Variants in P4HA3 observed in about 807,000 individuals in gnomAD.
P4HA3 encodes prolyl 4-hydroxylase subunit alpha 3.
In P4HA3, 60 loss-of-function variants were observed where a neutral mutation model predicts 66.7. The ratio of observed to expected loss-of-function variants is 0.90; its 90% CI spans 0.73 to 1.12. The LOEUF is 1.12. Among genes scored for constraint, P4HA3 ranks in the 50% most tolerant of loss-of-function variants. The probability of loss-of-function intolerance (pLI) is 0.00; values close to 1 mark genes in which losing one functional copy is unlikely to be tolerated. For synonymous variants in P4HA3, 263 were observed against 274.6 expected (o/e 0.96, Z 0.42); for missense variants, 683 against 685.8 (o/e 1.00, Z 0.05).
At chr11:74,295,603 T>C (rs1460106410) in intron 4 of P4HA3, among the ~76,000 whole-genome samples, 5 of 152,228 alleles carry the variant, frequency 3.3e-5, no homozygotes, top group Admixed American at 6.5e-5. Flanking sequence ...AGTTTTTACA[T>C]AGTTATAAGC....
chr11:74,286,195 T>C, intron 6 of P4HA3, 33 bp downstream of exon 6: 1 of 1,603,394 alleles, frequency 6.2e-7, no homozygotes, highest in Non-Finnish European at 8.5e-7. Flanking sequence ...TAGCCAGGCC[T>C]CTCCCCCTTT....
Position 74,298,530 on chromosome 11 carries a change from C to T in P4HA3, c.568-169G>A, listed in dbSNP as rs778333296. On this transcript the variant is annotated intron_variant, in intron 3 of 12. Coordinates refer to ENST00000331597, the MANE Select transcript of P4HA3 (RefSeq NM_182904.5). ...CTACTATATACAACGCATTGTACTA[C>T]GTGGAGAGGAGACATAAGGGTTCTT... Among the ~76,000 whole-genome samples the T allele has an allele frequency of 9.1e-4, 139 of 152,274 alleles. 3 individuals are homozygous for T. Among genetic ancestry groups the T allele is most frequent in the Middle Eastern group, 6.8e-3 (2 of 294 alleles).
At position 74,268,327 on chromosome 11, in the gene P4HA3, G is replaced by A. The variant is rs114239207; in HGVS notation, c.1468-86C>T. ...ACATACTAAGGACAAATGCAGGCATGTCATTGAAGAAGCCTTTCCATGCAG... is the reference window on the plus strand; with the variant it reads ...ACATACTAAGGACAAATGCAGGCATATCATTGAAGAAGCCTTTCCATGCAG... On this transcript the variant is annotated intron_variant, in intron 11 of 12. Transcript: ENST00000331597. 1.7e-3 allele frequency: 1,929 copies of A among 1,116,192 alleles called. 18 individuals carry two copies. The African/African-American group carries it at 0.018, about 10-fold the overall frequency. 69.1% of individuals were successfully genotyped at this position (1,116,192 alleles called of 1,614,324 possible).
chr11:74,288,309 C>T (rs926551752), intron 5 of P4HA3, among the ~76,000 whole-genome samples: 14 of 152,146 alleles, frequency 9.2e-5, no homozygotes, highest in Non-Finnish European at 1.5e-4. Context: ...AGAGTGAGAC[C>T]TGATTTAAGG....
chr11:74,267,071 A>C lies in P4HA3; in HGVS notation c.*177T>G. The C allele has an allele frequency of 6.5e-7, 1 of 1,537,208 alleles. No homozygotes were observed. Among genetic ancestry groups the C allele is most frequent in the Non-Finnish European group, 8.7e-7 (1 of 1,146,956 alleles). On this transcript the variant is annotated 3_prime_UTR_variant, in exon 13 of 13. Transcript: ENST00000331597. Reference sequence around the variant, plus strand: ...CGTGGCTGGGGCAGATCAAATGTACATTCTCAGTGTCCCCTGGTAACAACC... The same window carrying C: ...CGTGGCTGGGGCAGATCAAATGTACCTTCTCAGTGTCCCCTGGTAACAACC...
chr11:74,265,063 AC>A (rs1264572307), downstream of P4HA3, among the ~76,000 whole-genome samples: 4 of 152,110 alleles, frequency 2.6e-5, no homozygotes, highest in African/African-American at 9.7e-5. Context: ...AACTGTATTG[AC>A]CTCAAAGGGT....
chr11:74,266,213 C>T (rs532774645), downstream of P4HA3, among the ~76,000 whole-genome samples: 15 of 152,088 alleles, frequency 9.9e-5, 1 homozygote, highest in East Asian at 1.7e-3. Flanking sequence ...TGAGCTGCAC[C>T]GAGATTACAG....
intron 7 of P4HA3, among the ~76,000 whole-genome samples, chr11:74,285,206 A>T (rs1476038797): frequency 2.0e-5 from 3 of 152,098 alleles, no homozygotes; most frequent in African/African-American, 7.2e-5. Flanking sequence ...TAAAATTGCA[A>T]ATAAGGGGGA....
chr11:74,287,743 CTAAA>C (rs1860849020), intron 5 of P4HA3, among the ~76,000 whole-genome samples: 1 of 152,242 alleles, frequency 6.6e-6, no homozygotes, highest in Non-Finnish European at 1.5e-5. Context: ...TATCTAAATA[CTAAA>C]TACTCATGCC....
intron 15 of P4HA3, among the ~76,000 whole-genome samples, chr11:74,259,045 G>A (rs1481528615): frequency 6.6e-6 from 1 of 152,142 alleles, no homozygotes; most frequent in Non-Finnish European, 1.5e-5. Context: ...GTGGAAGCCG[G>A]TGTGCCCCTG....
At chr11:74,255,242 G>A (rs1053444028) in intron 15 of P4HA3, among the ~76,000 whole-genome samples, 68 of 152,228 alleles carry the variant, frequency 4.5e-4, no homozygotes, top group African/African-American at 1.6e-3. Context: ...GATACCCACA[G>A]TGAATGACTT....
intron 3 of P4HA3, 142 bp from the exon 4 acceptor site, chr11:74,298,503 A>G (rs975134901): frequency 3.0e-6 from 3 of 993,200 alleles, no homozygotes; most frequent in African/African-American, 3.2e-5. Flanking sequence ...TTTATTAAGC[A>G]TCTACTATAT....
In P4HA3 at chr11:74,277,042, C is replaced by A. The variant is rs746445793; in HGVS notation, c.1278G>T (p.Leu426=). The A allele has an allele frequency of 1.9e-6, 3 of 1,614,096 alleles. No homozygotes were observed. In the South Asian group the frequency reaches 3.3e-5, roughly 18 times the overall value. The part of the protein sequence containing the change: ...LDVRPPYAEY[L]QVVNYGIGGH... ...CTCCGATGCCATAGTTCACCACCTG[C>A]AGATACTCTGCATAGGGAGGCCGGA... Residue 426 remains leucine (L), a synonymous_variant, in exon 9 of 13, where the codon CTG becomes CTT. Coordinates refer to ENST00000331597, the MANE Select transcript of P4HA3 (RefSeq NM_182904.5).
intron 15 of P4HA3, chr11:74,253,759 G>A: frequency 1.7e-6 from 1 of 582,730 alleles, no homozygotes; most frequent in Non-Finnish European, 3.0e-6. Context: ...CCTGTACTGG[G>A]GTAGCTCCTG....
intron 15 of P4HA3, among the ~76,000 whole-genome samples, chr11:74,259,361 C>T (rs766407976): frequency 2.0e-5 from 3 of 152,010 alleles, no homozygotes; most frequent in Non-Finnish European, 4.4e-5. Context: ...CCAGCCTGGG[C>T]GACAAGAGCA....
chr11:74,252,950 C>T (rs142355556), intron 15 of P4HA3, among the ~76,000 whole-genome samples: 1 of 152,182 alleles, frequency 6.6e-6, no homozygotes, highest in Non-Finnish European at 1.5e-5. Context: ...TCAGAGAGCC[C>T]ACAACCCTCA....
intron 15 of P4HA3, among the ~76,000 whole-genome samples, chr11:74,253,192 T>C (rs1173919676): frequency 6.6e-6 from 1 of 152,162 alleles, no homozygotes; most frequent in East Asian, 1.9e-4. Flanking sequence ...GCGACACCCC[T>C]ATGCTGAGCC....
intron 14 of P4HA3, among the ~76,000 whole-genome samples, chr11:74,261,370 T>C (rs1859904366): frequency 6.6e-6 from 1 of 152,154 alleles, no homozygotes; most frequent in Non-Finnish European, 1.5e-5. Context: ...AGGGTAGGTA[T>C]ATGTAAAATA....
chr11:74,272,796 A>T (rs1388955403), intron 10 of P4HA3, among the ~76,000 whole-genome samples: 1 of 152,228 alleles, frequency 6.6e-6, no homozygotes, highest in East Asian at 1.9e-4. Context: ...TTCAGTTAAC[A>T]GTAAGGTATC....
Sources: gnomAD v4.1 joint callset for allele counts (sites outside exome capture counted in the v4.1 genomes callset) on GRCh38, gnomAD v4.1.1 for gene constraint, MANE v1.5 for transcripts, NCBI Gene and HGNC (gene_info 2026-07-23, HGNC 2026-07-21) for gene names.